Variants in PTPRN2 observed in about 807,000 individuals in gnomAD.
The protein encoded by PTPRN2 is receptor-type tyrosine-protein phosphatase N2.
PTPRN2 carries 74 observed loss-of-function variants against 118.8 expected under a neutral mutation model. That is an observed-to-expected ratio of 0.62 (90% CI 0.52 to 0.76). The LOEUF (loss-of-function observed/expected upper bound fraction) is 0.76, where lower values mean the gene tolerates loss of function less well. Ranked by LOEUF, PTPRN2 falls within the 30% of genes least tolerant of loss-of-function variation. The probability of loss-of-function intolerance (pLI) is 0.00; values close to 1 mark genes in which losing one functional copy is unlikely to be tolerated. For missense variants in PTPRN2, 1,481 were observed against 1,394.4 expected, an observed-to-expected ratio of 1.06 and a Z score of -0.99; for synonymous variants, 641 against 608.0, an observed-to-expected ratio of 1.05 and a Z score of -0.80.
intron 12 of PTPRN2, chr7:157,864,846 C>G (rs533846919): frequency 5.9e-5 from 9 of 152,362 alleles, no homozygotes; most frequent in Non-Finnish European, 1.3e-4. Context: ...CAGGTGACAG[C>G]CCCTCCTCTG....
intron 2 of PTPRN2, among the ~76,000 whole-genome samples, chr7:158,460,900 A>G (rs1346406243): frequency 2.6e-5 from 4 of 152,246 alleles, no homozygotes; most frequent in African/African-American, 9.6e-5. Context: ...AATAGAAGAC[A>G]TTACAGAGAG....
chr7:157,743,027 G>T (rs1026858397), intron 12 of PTPRN2, among the ~76,000 whole-genome samples: 5 of 152,216 alleles, frequency 3.3e-5, no homozygotes, highest in Admixed American at 3.3e-4. Flanking sequence ...GTGGTGAAGA[G>T]AACCTTGTAA....
chr7:157,968,651 C>G (rs1287626743), intron 11 of PTPRN2, among the ~76,000 whole-genome samples: 6 of 152,192 alleles, frequency 3.9e-5, no homozygotes, highest in Non-Finnish European at 1.5e-5. Context: ...TGGCACATCT[C>G]CAGGGTCATC....
intron 9 of PTPRN2, among the ~76,000 whole-genome samples, chr7:158,111,690 C>T (rs1816288475): frequency 6.6e-6 from 1 of 152,200 alleles, no homozygotes; most frequent in Admixed American, 6.5e-5. Context: ...GCCTGCAGGG[C>T]ACCAGGAGCT....
chr7:157,604,641 G>A (rs1801893211), intron 15 of PTPRN2, among the ~76,000 whole-genome samples: 1 of 152,170 alleles, frequency 6.6e-6, no homozygotes, highest in Non-Finnish European at 1.5e-5. Context: ...CAAGATTACT[G>A]GAATTTAGTT....
chr7:157,646,772 G>A (rs1805107643), intron 14 of PTPRN2, among the ~76,000 whole-genome samples: 1 of 152,250 alleles, frequency 6.6e-6, no homozygotes, highest in African/African-American at 2.4e-5. Context: ...AAGTTAGGGT[G>A]TGAGGACGGA....
intron 12 of PTPRN2, among the ~76,000 whole-genome samples, chr7:157,746,998 C>G (rs1417430893): frequency 6.7e-6 from 1 of 150,016 alleles, no homozygotes; most frequent in Non-Finnish European, 1.5e-5. Context: ...GATTCTGAGG[C>G]CTGTGTCCCT....
At chr7:158,390,527 A>G (rs565408310) in intron 2 of PTPRN2, among the ~76,000 whole-genome samples, 2 of 152,288 alleles carry the variant, frequency 1.3e-5, no homozygotes, top group Admixed American at 6.5e-5. Context: ...CCAGCCTCGC[A>G]GTAGGACCAT....
chr7:158,010,348 A>G lies in PTPRN2; in HGVS notation c.1723+70950T>C, dbSNP rs186486134. 3.9e-5 allele frequency among the ~76,000 whole-genome samples: 6 copies of G among 152,308 alleles called. No individual in the cohort carries two copies. In the East Asian group the frequency reaches 9.7e-4, roughly 25 times the overall value. ...AGACATCTAGAGAGTGAACCCACAGACACACAAATAACCTGTGTTTAAAAG... is the reference window on the plus strand; with the variant it reads ...AGACATCTAGAGAGTGAACCCACAGGCACACAAATAACCTGTGTTTAAAAG... On this transcript the variant is annotated intron_variant, in intron 11 of 22. Transcript: ENST00000389418.
intron 1 of PTPRN2, among the ~76,000 whole-genome samples, chr7:158,547,787 C>T (rs1012259544): frequency 2.0e-5 from 3 of 152,220 alleles, no homozygotes; most frequent in African/African-American, 7.2e-5. Context: ...TCCACCTGGC[C>T]TTTGAGGCTG....
chr7:158,581,308 G>C (rs555378078), intron 1 of PTPRN2, among the ~76,000 whole-genome samples: 4 of 152,048 alleles, frequency 2.6e-5, no homozygotes, highest in Non-Finnish European at 4.4e-5. Context: ...ATACCTATGC[G>C]GGTTATTCTG....
chr7:157,887,580 G>GCTCC (rs1796545151), intron 12 of PTPRN2, among the ~76,000 whole-genome samples: 1 of 13,658 alleles, frequency 7.3e-5, no homozygotes, highest in Non-Finnish European at 1.4e-4. Flanking sequence ...GTCCCCCAGT[G>GCTCC]CCCACTCCAT....
At chr7:158,205,130 T>G in intron 4 of PTPRN2, 41 bp downstream of exon 4, 1 of 1,463,130 alleles carries the variant, frequency 6.8e-7, no homozygotes, top group Non-Finnish European at 9.6e-7. Flanking sequence ...CTATGGACTG[T>G]GTCCTGGGAG....
chr7:158,089,769 AAGGG>A (rs1813899245), intron 10 of PTPRN2, among the ~76,000 whole-genome samples: 7 of 125,960 alleles, frequency 5.6e-5, no homozygotes, highest in Non-Finnish European at 7.0e-5. Flanking sequence ...CCCTGATGAA[AAGGG>A]GAATGTTCAC....
intron 12 of PTPRN2, among the ~76,000 whole-genome samples, chr7:157,812,238 C>G (rs1806096172): frequency 6.6e-6 from 1 of 152,234 alleles, no homozygotes; most frequent in Non-Finnish European, 1.5e-5. Flanking sequence ...GGCCGTCCTC[C>G]TCCCGTGCTG....
intron 2 of PTPRN2, among the ~76,000 whole-genome samples, chr7:158,401,282 A>C (rs1422617066): frequency 6.6e-6 from 1 of 152,188 alleles, no homozygotes; most frequent in Non-Finnish European, 1.5e-5. Flanking sequence ...TGTTATTTTT[A>C]CTGGGCTTCT....
intron 2 of PTPRN2, among the ~76,000 whole-genome samples, chr7:158,421,495 G>A (rs1815244318): frequency 6.6e-6 from 1 of 152,204 alleles, no homozygotes; most frequent in African/African-American, 2.4e-5. Context: ...AGTGAGATAT[G>A]TCAAGAAGCA....
chr7:158,263,278 GCACT>G (rs1460240657), intron 3 of PTPRN2, among the ~76,000 whole-genome samples: 1 of 152,144 alleles, frequency 6.6e-6, no homozygotes, highest in Non-Finnish European at 1.5e-5. Context: ...TGCACGTGTT[GCACT>G]CACAGTCACA....
At chr7:158,027,806 G>A (rs1010006589) in intron 11 of PTPRN2, 1 of 152,178 alleles carries the variant, frequency 6.6e-6, no homozygotes, top group Non-Finnish European at 1.5e-5. Flanking sequence ...TAAGATGACT[G>A]GGATGTCATT....
Sources: allele counts gnomAD v4.1 joint callset (sites outside exome capture counted in the v4.1 genomes callset), GRCh38; gene constraint gnomAD v4.1.1; transcripts MANE v1.5; gene names NCBI Gene and HGNC (gene_info 2026-07-23, HGNC 2026-07-21).